DDI2: variants seen among roughly 807,000 people sequenced by gnomAD.
DDI2 encodes DDI proteasomal shuttling factor 2.
Under a neutral mutation model 48.1 loss-of-function variants are expected in DDI2, and 5 were observed. The ratio of observed to expected loss-of-function variants is 0.10; its 90% CI spans 0.05 to 0.22. The LOEUF is 0.22. Ranked by LOEUF, DDI2 falls within the 10% of genes least tolerant of loss-of-function variation. The pLI is 1.00. For synonymous variants in DDI2, 205 were observed against 183.6 expected, an observed-to-expected ratio of 1.12 and a Z score of -0.94; for missense variants, 285 against 506.2, an observed-to-expected ratio of 0.56 and a Z score of 4.19.
At chr1:15,656,384 T>A in intron 8 of DDI2, 1 of 1,389,666 alleles carries the variant, frequency 7.2e-7, no homozygotes, top group South Asian at 1.6e-5. Flanking sequence ...AATTAATTTC[T>A]TTACAAGATC....
chr1:15,658,053 T>TG (rs1640297457), intron 9 of DDI2, among the ~76,000 whole-genome samples: 1 of 152,234 alleles, frequency 6.6e-6, no homozygotes, highest in South Asian at 2.1e-4. Flanking sequence ...TGTTGGATGT[T>TG]AACATTTAGT....
chr1:15,658,483 TCGGGTGCGGTG>T (rs1156645211), intron 9 of DDI2, among the ~76,000 whole-genome samples: 1 of 132,040 alleles, frequency 7.6e-6, no homozygotes, highest in Non-Finnish European at 1.6e-5. Context: ...CTTACAATGG[TCGGGTGCGGTG>T]GCTCTTGCCT....
In DDI2 at chr1:15,660,725, T is replaced by G. The variant is rs1288684433; in HGVS notation, c.*935T>G. ...TTGGATCTCACTTTAGATAATCCCT[T>G]GATGGAAGTAGAAACATCAAAATGT... On this transcript the variant is annotated 3_prime_UTR_variant, in exon 10 of 10. Transcript: ENST00000480945. 6 of 1,613,784 alleles carry G rather than the reference T, an allele frequency of 3.7e-6. No individual in the cohort carries two copies. Among genetic ancestry groups the G allele is most frequent in the Non-Finnish European group, 8.5e-7 (1 of 1,179,974 alleles).
At position 15,661,784 on chromosome 1, in the gene DDI2, A is replaced by G. The variant is rs772579827; in HGVS notation, c.*1994A>G. The G allele has an allele frequency of 4.2e-5, 64 of 1,518,636 alleles. No individual in the cohort carries two copies. The Middle Eastern group carries it at 1.1e-3, about 27-fold the overall frequency. The allele number at this position is 1,518,636 out of a possible 1,614,324, so 94.1% of individuals were successfully genotyped here. On this transcript the variant is annotated 3_prime_UTR_variant, in exon 10 of 10. Coordinates refer to ENST00000480945, the MANE Select transcript of DDI2 (RefSeq NM_032341.5). ...TTAAACAAAAGAAAGCTCTCTCTAT[A>G]TACACGCACACATACACACTCACCA... is the stretch of plus-strand genomic sequence containing the variant.
chr1:15,660,039 G>A lies in DDI2; in HGVS notation c.*249G>A, dbSNP rs762537226. ...AACCTAAAGCTGTGAAGGCTTTGAA[G>A]GCTTCAGCTGAATTCCAGCTAAACT... On this transcript the variant is annotated 3_prime_UTR_variant, in exon 10 of 10. Transcript: ENST00000480945. 1 of 1,614,024 alleles carries A rather than the reference G, an allele frequency of 6.2e-7. No individual in the cohort carries two copies. Among genetic ancestry groups the A allele is most frequent in the East Asian group, 2.2e-5 (1 of 44,884 alleles).
intron 4 of DDI2, among the ~76,000 whole-genome samples, chr1:15,638,073 T>A (rs1639954361): frequency 1.3e-5 from 2 of 152,190 alleles, no homozygotes; most frequent in Non-Finnish European, 2.9e-5. Flanking sequence ...GAAAGGCGGC[T>A]TAGTGTTTTA....
chr1:15,636,871 A>G (rs1277692639), intron 4 of DDI2, among the ~76,000 whole-genome samples: 1 of 152,272 alleles, frequency 6.6e-6, no homozygotes, highest in Non-Finnish European at 1.5e-5. Flanking sequence ...GCAGCCATAG[A>G]CAATAGGACA....
chr1:15,649,657 G>A (rs1008941045), intron 6 of DDI2, 63 bp from the exon 7 acceptor site: 94 of 1,534,760 alleles, frequency 6.1e-5, no homozygotes, highest in Non-Finnish European at 7.4e-5. Flanking sequence ...GGCAACAAGA[G>A]CGAAACTCCG....
At chr1:15,643,772 T>C (rs1042528037) in intron 6 of DDI2, 122 bp downstream of exon 6, 14 of 1,393,314 alleles carry the variant, frequency 1.0e-5, no homozygotes, top group Middle Eastern at 2.0e-4. Context: ...TAAATTTCTT[T>C]TGTGTGGGTA....
At chr1:15,619,500 C>T (rs1008673033) in intron 1 of DDI2, among the ~76,000 whole-genome samples, 1 of 148,878 alleles carries the variant, frequency 6.7e-6, no homozygotes, top group Non-Finnish European at 1.5e-5. Context: ...GAGTCTCTGT[C>T]GCCTAGGCTG....
intron 5 of DDI2, 96 bp downstream of exon 5, chr1:15,638,530 CTTTTTTTTTT>C: frequency 3.5e-6 from 2 of 570,974 alleles, no homozygotes; most frequent in Non-Finnish European, 4.8e-6. Flanking sequence ...GATGGCTGTA[CTTTTTTTTTT>C]TTTTTTTTTT....
rs1229565522 is a variant in DDI2, at chr1:15,661,239, G to A, written c.*1449G>A. ...TAGGTGATGGCCTGTCAACCGATAA[G>A]GAAGGTGTCCCCAAATCTAGGGAAT... On this transcript the variant is annotated 3_prime_UTR_variant, in exon 10 of 10. Transcript: ENST00000480945. The A allele has an allele frequency of 1.2e-6, 2 of 1,614,006 alleles. No homozygotes were observed. The highest frequency in any genetic ancestry group is 1.3e-5 in the African/African-American group (1 of 74,930).
chr1:15,633,712 C>G lies in DDI2; in HGVS notation c.632+147C>G. 14 of 1,184,972 alleles carry G rather than the reference C, an allele frequency of 1.2e-5. No homozygotes were observed. In the South Asian group the frequency reaches 1.6e-4, roughly 13 times the overall value. The allele number at this position is 1,184,972 out of a possible 1,614,324, so 73.4% of individuals were successfully genotyped here. On this transcript the variant is annotated intron_variant, in intron 4 of 9. Transcript: ENST00000480945. The stretch of plus-strand genomic sequence containing the variant: ...TAACCTCAGTCTTTTAGGTTAGTCT[C>G]TCCTCTTTCATTTTCTATGCATTTC...
At position 15,665,732 on chromosome 1, in the gene DDI2, T is replaced by C. The variant is rs1436281571; in HGVS notation, c.*5942T>C. The C allele has an allele frequency of 6.6e-6, 1 of 152,252 alleles. No individual in the cohort carries two copies. The highest frequency in any genetic ancestry group is 3.4e-3 in the Middle Eastern group (1 of 294). The allele number at this position is 152,252 out of a possible 1,614,324, so 9.4% of individuals were successfully genotyped here. A position where few individuals can be genotyped will look rare whatever the true frequency, so the allele number is the denominator to read the frequency against. On this transcript the variant is annotated 3_prime_UTR_variant, in exon 10 of 10. Transcript: ENST00000480945. ...ATCCCGCCACATATATAAATATATA[T>C]ATATATAGCAAACAGCCTTGCAAAT...
chr1:15,660,406 C>T lies in DDI2; in HGVS notation c.*616C>T. The T allele has an allele frequency of 6.2e-7, 1 of 1,613,792 alleles. No individual in the cohort carries two copies. Among genetic ancestry groups the T allele is most frequent in the Non-Finnish European group, 8.5e-7 (1 of 1,179,946 alleles). On this transcript the variant is annotated 3_prime_UTR_variant, in exon 10 of 10. Transcript: ENST00000480945. ...AGGGAATGAACAGTATGAGGTTGCA[C>T]AACAAAAAGCTTCACATGACCAAGA...
At chr1:15,635,462 G>C (rs1293592153) in intron 4 of DDI2, among the ~76,000 whole-genome samples, 1 of 152,194 alleles carries the variant, frequency 6.6e-6, no homozygotes, top group African/African-American at 2.4e-5. Context: ...CCTGAGTTCA[G>C]TGGCACGATC....
intron 6 of DDI2, among the ~76,000 whole-genome samples, chr1:15,644,802 C>G (rs1041692033): frequency 9.9e-5 from 15 of 151,896 alleles, no homozygotes; most frequent in South Asian, 2.1e-4. Flanking sequence ...ACCGTGTTAG[C>G]CAGGGTGGTC....
At chr1:15,629,528 C>T (rs1639810022) in intron 2 of DDI2, among the ~76,000 whole-genome samples, 1 of 148,510 alleles carries the variant, frequency 6.7e-6, no homozygotes, top group Non-Finnish European at 1.5e-5. Context: ...ACCCAGGAGG[C>T]AGAGGTTGCA....
At chr1:15,653,077 AGATAGATTGGGGTTATTTT>A (rs1640217403) in intron 8 of DDI2, among the ~76,000 whole-genome samples, 1 of 152,100 alleles carries the variant, frequency 6.6e-6, no homozygotes, top group African/African-American at 2.4e-5. Flanking sequence ...GCTGTGTTTA[AGATAGATTGGGGTTATTTT>A]GCTTAGACAC....
Sources: allele counts gnomAD v4.1 joint callset (sites outside exome capture counted in the v4.1 genomes callset), GRCh38; gene constraint gnomAD v4.1.1; transcripts MANE v1.5; gene names NCBI Gene and HGNC (gene_info 2026-07-23, HGNC 2026-07-21).